The following CELF2 variants were observed in gnomAD, a reference collection of about 807,000 sequenced individuals.
CELF2 encodes CUG triplet repeat RNA-binding protein 2.
CELF2 carries 8 observed loss-of-function variants against 62.6 expected under a neutral mutation model. That is an observed-to-expected ratio of 0.13 (90% CI 0.07 to 0.23). The LOEUF (loss-of-function observed/expected upper bound fraction) is 0.23, where lower values mean the gene tolerates loss of function less well. Among genes scored for constraint, CELF2 ranks in the 10% least tolerant of loss-of-function variants. The probability of loss-of-function intolerance (pLI) is 1.00; values close to 1 mark genes in which losing one functional copy is unlikely to be tolerated. For missense variants in CELF2, 333 were observed against 671.0 expected (o/e 0.50, Z 5.56); for synonymous variants, 258 against 250.0 (o/e 1.03, Z -0.30).
chr10:11,009,339 G>A (rs577903223), intron 1 of CELF2, among the ~76,000 whole-genome samples: 3 of 96,350 alleles, frequency 3.1e-5, no homozygotes, highest in East Asian at 1.9e-4. Flanking sequence ...GTGTGTGTGC[G>A]CGTGTGTGTG....
the CELF2 span, among the ~76,000 whole-genome samples, chr10:10,603,276 G>A: frequency 2.6e-5 from 4 of 152,094 alleles, no homozygotes; most frequent in South Asian, 6.3e-4. Context: ...TAAGTGCACC[G>A]AGAAGGCCCA....
chr10:11,000,714 C>A (rs988020782), upstream of CELF2, among the ~76,000 whole-genome samples: 1 of 152,206 alleles, frequency 6.6e-6, no homozygotes, highest in African/African-American at 2.4e-5. Context: ...CTTTCTTTAG[C>A]AATGCTACTG....
the CELF2 span, among the ~76,000 whole-genome samples, chr10:10,465,068 C>T: frequency 3.8e-4 from 58 of 152,016 alleles, no homozygotes; most frequent in South Asian, 5.0e-3. Flanking sequence ...TACCTTCTGA[C>T]GAGAATACAC....
At chr10:10,660,409 AG>A in the CELF2 span, among the ~76,000 whole-genome samples, 1 of 152,202 alleles carries the variant, frequency 6.6e-6, no homozygotes, top group Admixed American at 6.5e-5. Context: ...TTCACCTTTC[AG>A]CAAGCCCATG....
the CELF2 span, among the ~76,000 whole-genome samples, chr10:10,587,566 AAATAAACATCTTTAACATAAC>A: frequency 5.9e-5 from 9 of 152,188 alleles, no homozygotes; most frequent in Non-Finnish European, 1.3e-4. Flanking sequence ...GAATAACATA[AAATAAACATCTTTAACATAAC>A]AATAAACATA....
intron 1 of CELF2, among the ~76,000 whole-genome samples, chr10:11,155,418 C>A (rs60686715): frequency 6.6e-6 from 1 of 152,144 alleles, no homozygotes; most frequent in East Asian, 1.9e-4. Flanking sequence ...GTTTGCTCCT[C>A]GTCTTCTCCT....
At chr10:10,577,955 A>G in the CELF2 span, among the ~76,000 whole-genome samples, 1 of 152,156 alleles carries the variant, frequency 6.6e-6, no homozygotes, top group Non-Finnish European at 1.5e-5. Context: ...GCAATGGTTG[A>G]ACTAGTTTAC....
rs887841099 is a variant in CELF2, at chr10:11,110,853, G to A, written c.75-54633G>A. Among the ~76,000 whole-genome samples the A allele has an allele frequency of 6.6e-6, 1 of 152,176 alleles. No homozygotes were observed. The highest frequency in any genetic ancestry group is 2.4e-5 in the African/African-American group (1 of 41,434). The stretch of plus-strand genomic sequence containing the variant: ...TCATTTCATGCCCGAGAGCTTGGAA[G>A]CCTAGACCCCCACTAACAAGGAGCA... On this transcript the variant is annotated intron_variant, in intron 1 of 12. Coordinates refer to ENST00000633077, the MANE Select transcript of CELF2 (RefSeq NM_001326342.2). This position sits in a 1 kb window ranked among gnomAD's most constrained non-coding sequence, Gnocchi z 4.0.
intron 2 of CELF2, among the ~76,000 whole-genome samples, chr10:11,205,977 A>G (rs1234415497): frequency 1.3e-5 from 2 of 152,242 alleles, no homozygotes; most frequent in African/African-American, 4.8e-5. Context: ...TTTGACTGTA[A>G]AGACCAGAGT....
intron 9 of CELF2, among the ~76,000 whole-genome samples, chr10:11,308,558 G>A (rs564383889): frequency 1.3e-5 from 2 of 152,198 alleles, no homozygotes; most frequent in Admixed American, 6.5e-5. Context: ...TTTCATTTTG[G>A]TTTTTACTTT....
At position 11,237,921 on chromosome 10, in the gene CELF2, C is replaced by G. The variant is rs950575745; in HGVS notation, c.355-11232C>G. 1.3e-5 allele frequency among the ~76,000 whole-genome samples: 2 copies of G among 152,220 alleles called. No homozygotes were observed. The highest frequency in any genetic ancestry group is 2.9e-5 in the Non-Finnish European group (2 of 68,034). ...GGTAAAAACCACAATCACTTTCGTA[C>G]AAACCTAATAGAATCTAGGATTGGA... On this transcript the variant is annotated intron_variant, in intron 3 of 12. Transcript: ENST00000633077. The surrounding 1 kb of genome is among the most constrained non-coding windows in gnomAD (Gnocchi z 4.0).
intron 1 of CELF2, among the ~76,000 whole-genome samples, chr10:10,879,545 C>T (rs2061322637): frequency 6.6e-6 from 1 of 152,120 alleles, no homozygotes; most frequent in Non-Finnish European, 1.5e-5. Flanking sequence ...ACCAGAAAGT[C>T]CTGTGATTAA....
chr10:11,018,388 C>T (rs887922079), intron 1 of CELF2, among the ~76,000 whole-genome samples: 1 of 151,590 alleles, frequency 6.6e-6, no homozygotes, highest in Non-Finnish European at 1.5e-5. Context: ...GAGGGACGAG[C>T]GGAGCGCGGC....
At chr10:10,735,346 G>A in the CELF2 span, among the ~76,000 whole-genome samples, 7 of 152,154 alleles carry the variant, frequency 4.6e-5, no homozygotes, top group South Asian at 2.1e-4. Context: ...AATCTCATCC[G>A]TGCCATATTT....
chr10:11,142,089 A>T (rs1216479725), intron 1 of CELF2, among the ~76,000 whole-genome samples: 1 of 152,330 alleles, frequency 6.6e-6, no homozygotes, highest in South Asian at 2.1e-4. Flanking sequence ...GCTGCCTGAG[A>T]TGAAAACATC....
intron 1 of CELF2, among the ~76,000 whole-genome samples, chr10:11,040,154 C>T (rs1413355214): frequency 2.0e-5 from 3 of 152,130 alleles, no homozygotes; most frequent in African/African-American, 7.2e-5. Flanking sequence ...ATTCTCAGGG[C>T]AGTCCAAAGC....
the CELF2 span, among the ~76,000 whole-genome samples, chr10:10,610,027 T>C: frequency 6.6e-6 from 1 of 152,228 alleles, no homozygotes; most frequent in African/African-American, 2.4e-5. Flanking sequence ...AACATTATTT[T>C]CAAAAGGAAA....
chr10:11,297,228 G>A lies in CELF2; in HGVS notation c.976+8676G>A, dbSNP rs925667218. ...CGGACGTGGCACATGGAGAGCTCAA[G>A]TGCACATGAACGGACATTCCGTGAA... On this transcript the variant is annotated intron_variant, in intron 9 of 12. Transcript: ENST00000633077. This position sits in a 1 kb window ranked among gnomAD's most constrained non-coding sequence, Gnocchi z 4.4. Among the ~76,000 whole-genome samples the A allele has an allele frequency of 1.3e-5, 2 of 152,224 alleles. No individual in the cohort carries two copies. Among genetic ancestry groups the A allele is most frequent in the Non-Finnish European group, 2.9e-5 (2 of 68,038 alleles).
At chr10:10,603,766 G>T in the CELF2 span, among the ~76,000 whole-genome samples, 1 of 148,504 alleles carries the variant, frequency 6.7e-6, no homozygotes, top group Non-Finnish European at 1.5e-5. Flanking sequence ...GGGAAGCAAA[G>T]TCTAGGATAT....
Sources: allele counts gnomAD v4.1 joint callset (sites outside exome capture counted in the v4.1 genomes callset), GRCh38; gene constraint gnomAD v4.1.1; non-coding constraint Gnocchi (gnomAD v3.1); transcripts MANE v1.5; gene names NCBI Gene and HGNC (gene_info 2026-07-23, HGNC 2026-07-21).